GLIS1: variants seen among roughly 807,000 people sequenced by gnomAD.
The protein encoded by GLIS1 is zinc finger protein GLIS1.
GLIS1 carries 24 observed loss-of-function variants against 63.8 expected under a neutral mutation model. That is an observed-to-expected ratio of 0.38 (90% CI 0.27 to 0.53). The LOEUF (loss-of-function observed/expected upper bound fraction) is 0.53. Ranked by LOEUF, GLIS1 falls within the 20% of genes least tolerant of loss-of-function variation. The pLI is 0.85. For synonymous variants in GLIS1, 450 were observed against 482.5 expected (o/e 0.93, Z 0.88); for missense variants, 1,036 against 1,074.1 (o/e 0.96, Z 0.50).
At position 53,737,812 on chromosome 1, in the gene GLIS1, C is replaced by T; in HGVS notation, c.253G>A (p.Gly85Arg). ...DYGPSKAAAA[G>R]KVNGSYGHRT... ...TTGGCAGGGCCGAACTCACCCTTCC[C>T]GGCGGCGGCGGCCTTGGATGGACCG... Residue 85 changes from glycine to arginine, a missense_variant, in exon 2 of 11, where the codon GGG becomes AGG. This residue lies in a region of GLIS1 where 592 missense variants were observed against 593.9 expected (regional missense o/e 1.00). Coordinates refer to ENST00000628545, the MANE Select transcript of GLIS1 (RefSeq NM_001367484.1). 8.1e-7 allele frequency: 1 copy of T among 1,230,646 alleles called. No individual in the cohort carries two copies. Among genetic ancestry groups the T allele is most frequent in the South Asian group, 4.1e-5 (1 of 24,312 alleles). 76.2% of individuals were successfully genotyped at this position (1,230,646 alleles called of 1,614,324 possible). A position where few individuals can be genotyped will look rare whatever the true frequency, so the allele number is the denominator to read the frequency against.
rs1475814874 is a variant in GLIS1 at position 53,506,633 on chromosome 1, A to G, written c.2374T>C (p.Tyr792His). The change falls in exon 11 of 11, where the codon TAC becomes CAC. Residue 792 changes from tyrosine (Y) to histidine (H), a missense_variant. Transcript: ENST00000628545. ...TGGGGGCTCCTTCAGGTGTCTGTGTAGATGGAGGGGATGTGGCCCAGGCAG... is the reference window on the plus strand; with the variant it reads ...TGGGGGCTCCTTCAGGTGTCTGTGTGGATGGAGGGGATGTGGCCCAGGCAG... ...DHCLGHIPSI[Y>H]TDT 4.3e-6 allele frequency: 7 copies of G among 1,613,374 alleles called. No individual in the cohort carries two copies. Among genetic ancestry groups the G allele is most frequent in the Non-Finnish European group, 5.9e-6 (7 of 1,179,994 alleles).
chr1:53,644,682 G>A (rs1207026699), intron 2 of GLIS1, among the ~76,000 whole-genome samples: 2 of 152,180 alleles, frequency 1.3e-5, no homozygotes, highest in African/African-American at 4.8e-5. Context: ...GGGCCCGGAG[G>A]AGGCAGTGTG....
intron 2 of GLIS1, among the ~76,000 whole-genome samples, chr1:53,644,000 T>A (rs1339454316): frequency 6.6e-6 from 1 of 152,152 alleles, no homozygotes; most frequent in Non-Finnish European, 1.5e-5. Flanking sequence ...GTTCTTTCCC[T>A]GATAAAGAAT....
At chr1:53,537,197 A>G (rs997010562) in intron 4 of GLIS1, among the ~76,000 whole-genome samples, 1 of 152,050 alleles carries the variant, frequency 6.6e-6, no homozygotes. Context: ...TGGCTTGGGG[A>G]GGGGGAGGGC....
chr1:53,616,382 A>G lies in GLIS1; in HGVS notation c.260-16104T>C, dbSNP rs1645483024. Among the ~76,000 whole-genome samples, 3 of 152,244 alleles carry G rather than the reference A, an allele frequency of 2.0e-5. No homozygotes were observed. In the South Asian group the frequency reaches 6.2e-4, roughly 32 times the overall value. ...GCGTTTTCAGTACATACAGGGCCAT[A>G]GATGCTTATGTCAGGTATATATTTA... On this transcript the variant is annotated intron_variant, in intron 2 of 10. Coordinates refer to ENST00000628545, the MANE Select transcript of GLIS1 (RefSeq NM_001367484.1).
intron 2 of GLIS1, among the ~76,000 whole-genome samples, chr1:53,660,366 C>T (rs114545559): frequency 0.015 from 2,341 of 152,306 alleles, 55 homozygotes; most frequent in African/African-American, 0.053. Flanking sequence ...GTATTATGTG[C>T]CAGGCAGGGC....
intron 4 of GLIS1, among the ~76,000 whole-genome samples, chr1:53,572,505 G>C (rs927673267): frequency 6.6e-6 from 1 of 152,126 alleles, no homozygotes; most frequent in African/African-American, 2.4e-5. Context: ...CCTCCCTTTG[G>C]GCTGCAGTGG....
intron 4 of GLIS1, among the ~76,000 whole-genome samples, chr1:53,538,444 C>T (rs1284180210): frequency 6.6e-6 from 1 of 152,144 alleles, no homozygotes; most frequent in Non-Finnish European, 1.5e-5. Flanking sequence ...GAGGTGGAAA[C>T]TGAGTTTAGG....
In GLIS1 at chr1:53,511,632, A is replaced by G. The variant is rs1452923881; in HGVS notation, c.1884-1605T>C. Among the ~76,000 whole-genome samples, 1 of 152,242 alleles carries G rather than the reference A, an allele frequency of 6.6e-6. No homozygotes were observed. The highest frequency in any genetic ancestry group is 1.5e-5 in the Non-Finnish European group (1 of 68,036). Reference sequence around the variant, plus strand: ...ACGAATCCTCATCACACCTCCAGGAATAAATTATCATTATCATCATCATTA... The same window carrying G: ...ACGAATCCTCATCACACCTCCAGGAGTAAATTATCATTATCATCATCATTA... On this transcript the variant is annotated intron_variant, in intron 8 of 10. Transcript: ENST00000628545. The surrounding 1 kb of genome is among the most constrained non-coding windows in gnomAD (Gnocchi z 4.2).
Position 53,738,096 on chromosome 1 carries a change from G to T in GLIS1, c.-32C>A, listed in dbSNP as rs920360082. On this transcript the variant is annotated 5_prime_UTR_variant, in exon 2 of 11. Coordinates refer to ENST00000628545, the MANE Select transcript of GLIS1 (RefSeq NM_001367484.1). ...GGGGCGGGGCGCACGGCTGGGGGTC[G>T]CGCCGGGCTCCTGGGGAGGGGAGAC... 4 of 1,228,352 alleles carry T rather than the reference G, an allele frequency of 3.3e-6. No homozygotes were observed. Among genetic ancestry groups the T allele is most frequent in the Non-Finnish European group, 4.1e-6 (4 of 985,476 alleles). The allele number at this position is 1,228,352 out of a possible 1,614,324, so 76.1% of individuals were successfully genotyped here.
intron 2 of GLIS1, among the ~76,000 whole-genome samples, chr1:53,635,231 C>A (rs1340063690): frequency 6.6e-6 from 1 of 151,944 alleles, no homozygotes; most frequent in Non-Finnish European, 1.5e-5. Context: ...GGAAACCGAC[C>A]GTGGACTGGG....
rs1644468025 is a variant in GLIS1 at position 53,526,276 on chromosome 1, T to A, written c.1483-1389A>T. Reference sequence around the variant, plus strand: ...GGACTAAGGAGAGGCCAGGCCAACCTCAGACCCAGGGAGAGGTACCCATGG... The same window carrying A: ...GGACTAAGGAGAGGCCAGGCCAACCACAGACCCAGGGAGAGGTACCCATGG... On this transcript the variant is annotated intron_variant, in intron 5 of 10. Transcript: ENST00000628545. The surrounding 1 kb of genome is among the most constrained non-coding windows in gnomAD (Gnocchi z 4.4). 6.6e-6 allele frequency among the ~76,000 whole-genome samples: 1 copy of A among 151,720 alleles called. No homozygotes were observed. The highest frequency in any genetic ancestry group is 2.1e-4 in the South Asian group (1 of 4,808).
chr1:53,621,935 C>T (rs746636291), intron 2 of GLIS1, among the ~76,000 whole-genome samples: 3 of 152,168 alleles, frequency 2.0e-5, no homozygotes, highest in African/African-American at 7.2e-5. Context: ...CTCAGCTTCC[C>T]GAGTGGCTGG....
At chr1:53,658,334 G>A (rs146217814) in intron 2 of GLIS1, among the ~76,000 whole-genome samples, 14 of 152,284 alleles carry the variant, frequency 9.2e-5, no homozygotes, top group Admixed American at 3.3e-4. Context: ...AGGGACAGAG[G>A]CTCCTGATTT....
intron 4 of GLIS1, among the ~76,000 whole-genome samples, chr1:53,563,721 A>G (rs1206768883): frequency 6.6e-6 from 1 of 152,218 alleles, no homozygotes; most frequent in African/African-American, 2.4e-5. Context: ...CAAGGAGGAA[A>G]AAAATAAAAG....
At chr1:53,723,557 G>A (rs1646777605) in intron 2 of GLIS1, among the ~76,000 whole-genome samples, 1 of 152,022 alleles carries the variant, frequency 6.6e-6, no homozygotes, top group Non-Finnish European at 1.5e-5. Flanking sequence ...TAAGTAATAA[G>A]ACTATATTCA....
chr1:53,558,903 C>A (rs144792411), intron 4 of GLIS1, among the ~76,000 whole-genome samples: 1 of 152,192 alleles, frequency 6.6e-6, no homozygotes, highest in Admixed American at 6.5e-5. Flanking sequence ...CAGAGCTTAG[C>A]GAGCAAACAC....
intron 3 of GLIS1, among the ~76,000 whole-genome samples, chr1:53,599,176 T>C (rs1042669632): frequency 6.6e-6 from 1 of 152,178 alleles, no homozygotes; most frequent in Non-Finnish European, 1.5e-5. Context: ...AAGGCTGCTA[T>C]GGTTTGAATA....
chr1:53,609,549 G>A (rs754055380), intron 2 of GLIS1, among the ~76,000 whole-genome samples: 3 of 152,136 alleles, frequency 2.0e-5, no homozygotes, highest in African/African-American at 4.8e-5. Context: ...GATTACTGGC[G>A]TGAGCCACCG....
Sources: gnomAD v4.1 joint callset for allele counts (sites outside exome capture counted in the v4.1 genomes callset) on GRCh38, gnomAD v4.1.1 for gene constraint, gnomAD v4.1.1 regional missense constraint, Gnocchi (gnomAD v3.1) non-coding constraint, MANE v1.5 for transcripts, NCBI Gene and HGNC (gene_info 2026-07-23, HGNC 2026-07-21) for gene names.